ZNF665: variants seen among roughly 807,000 people sequenced by gnomAD.
ZNF665 encodes zinc finger protein 665.
In ZNF665, 6 loss-of-function variants were observed where a neutral mutation model predicts 7.9. The observed-to-expected ratio is 0.76, with a 90% CI of 0.42 to 1.50. ZNF665 has a LOEUF of 1.50. Among genes scored for constraint, ZNF665 ranks in the 40% most tolerant of loss-of-function variants. The pLI, the probability that ZNF665 is intolerant of heterozygous loss-of-function variation, is 0.01. For synonymous variants in ZNF665, 242 were observed against 274.5 expected, an observed-to-expected ratio of 0.88 and a Z score of 1.17; for missense variants, 819 against 806.7, an observed-to-expected ratio of 1.02 and a Z score of -0.18.
chr19:53,169,523 TA>T (rs1268826850), intron 3 of ZNF665, among the ~76,000 whole-genome samples: 1 of 152,084 alleles, frequency 6.6e-6, no homozygotes, highest in Non-Finnish European at 1.5e-5. Context: ...TTAATGGAAA[TA>T]TTTCTTTTTT....
At chr19:53,179,728 T>C (rs1427484111) in intron 2 of ZNF665, 1 of 152,214 alleles carries the variant, frequency 6.6e-6, no homozygotes, top group Non-Finnish European at 1.5e-5. Context: ...GAAGGGTTCA[T>C]GGGAACTTCA....
Position 53,175,335 on chromosome 19 carries a change from CA to C in ZNF665, c.142+109del, listed in dbSNP as rs1259045471. 3 of 1,352,526 alleles carry C rather than the reference CA, an allele frequency of 2.2e-6. No individual in the cohort carries two copies. The African/African-American group carries it at 4.5e-5, about 20-fold the overall frequency. The allele number at this position is 1,352,526 out of a possible 1,614,324, so 83.8% of individuals were successfully genotyped here. ...ATTAGGCTTTTCATTTATGAGTCAA[CA>C]GGACATCAATCCTCATCAAGCAATG... On this transcript the variant is annotated intron_variant, in intron 3 of 3. Coordinates refer to ENST00000396424, the MANE Select transcript of ZNF665 (RefSeq NM_024733.5).
chr19:53,189,318 C>CG (rs1039354515), intron 1 of ZNF665, among the ~76,000 whole-genome samples: 2 of 151,752 alleles, frequency 1.3e-5, no homozygotes, highest in African/African-American at 2.4e-5. Flanking sequence ...CAGCTGCGCC[C>CG]GGGGGACCAC....
intron 3 of ZNF665, among the ~76,000 whole-genome samples, chr19:53,167,120 G>T (rs997972537): frequency 6.6e-6 from 1 of 152,026 alleles, no homozygotes; most frequent in Admixed American, 6.6e-5. Context: ...TCCTGCCTCA[G>T]CCTCCTGAGT....
At chr19:53,169,087 AAG>A (rs2090638644) in intron 3 of ZNF665, among the ~76,000 whole-genome samples, 2 of 152,292 alleles carry the variant, frequency 1.3e-5, no homozygotes, top group South Asian at 4.1e-4. Flanking sequence ...AAAGAAAAAA[AAG>A]AATTAATTTA....
intron 3 of ZNF665, among the ~76,000 whole-genome samples, chr19:53,171,654 G>A (rs1367405554): frequency 2.7e-5 from 4 of 150,126 alleles, no homozygotes; most frequent in South Asian, 4.3e-4. Flanking sequence ...TCAGCCTCCC[G>A]AGTAGCTGGG....
rs1157330663 is a variant in ZNF665, at chr19:53,165,261, A to G, written c.1229T>C (p.Val410Ala). The G allele has an allele frequency of 4.3e-6, 7 of 1,612,664 alleles. No individual in the cohort carries two copies. Among genetic ancestry groups the G allele is most frequent in the Non-Finnish European group, 5.9e-6 (7 of 1,179,414 alleles). ...KPFKCNECVK[V>A]FTQYSHLANH... Reference sequence around the variant, plus strand: ...TGCTAAGTGTGAATACTGAGTGAAAACCTTGACGCATTCATTACATTTGAA... The same window carrying G: ...TGCTAAGTGTGAATACTGAGTGAAAGCCTTGACGCATTCATTACATTTGAA... Residue 410 changes from valine (V) to alanine (A), a missense_variant, in exon 4 of 4, where the codon GTT (valine) becomes GCT (alanine). Val to Ala is a moderately conservative substitution (Grantham distance 64). Coordinates refer to ENST00000396424, the MANE Select transcript of ZNF665 (RefSeq NM_024733.5).
intron 3 of ZNF665, among the ~76,000 whole-genome samples, chr19:53,170,479 C>A (rs1373161469): frequency 6.6e-6 from 1 of 152,160 alleles, no homozygotes; most frequent in African/African-American, 2.4e-5. Context: ...TTGTAACCAA[C>A]GTTCTTCTTT....
chr19:53,165,479 C>T lies in ZNF665; in HGVS notation c.1011G>A (p.Gln337=). ...FSVRSSLTTH[Q]TIHTGEKPYK... is the part of the protein sequence containing the mutation. ...AAGGTTTTTCTCCAGTGTGGATTGT[C>T]TGATGGGTAGTCAGGCTTGAGCGAA... Residue 337 remains glutamine, a synonymous_variant, in exon 4 of 4, where the codon CAG becomes CAA. Coordinates refer to ENST00000396424, the MANE Select transcript of ZNF665 (RefSeq NM_024733.5). The T allele has an allele frequency of 6.2e-7, 1 of 1,613,246 alleles. No homozygotes were observed. Among genetic ancestry groups the T allele is most frequent in the Non-Finnish European group, 8.5e-7 (1 of 1,179,440 alleles).
At chr19:53,181,188 G>C (rs1327356825) in intron 2 of ZNF665, 1 of 152,192 alleles carries the variant, frequency 6.6e-6, no homozygotes, top group Admixed American at 6.5e-5. Context: ...GGGAGGCCAA[G>C]GCGGGTGGAT....
chr19:53,171,755 G>C (rs1028560998), intron 3 of ZNF665, among the ~76,000 whole-genome samples: 3 of 151,228 alleles, frequency 2.0e-5, no homozygotes, highest in African/African-American at 7.3e-5. Context: ...TTTTATGATA[G>C]ATTTGTGTTT....
chr19:53,192,163 C>T (rs1568670810), intron 1 of ZNF665, among the ~76,000 whole-genome samples: 1 of 151,980 alleles, frequency 6.6e-6, no homozygotes, highest in Non-Finnish European at 1.5e-5. Flanking sequence ...CTCTTTCACC[C>T]GTCTTTTGGT....
At chr19:53,176,177 A>G (rs973848917) in intron 2 of ZNF665, among the ~76,000 whole-genome samples, 3 of 151,976 alleles carry the variant, frequency 2.0e-5, no homozygotes, top group Non-Finnish European at 4.4e-5. Flanking sequence ...AATAAATAAG[A>G]ATAAAAATAA....
Position 53,164,630 on chromosome 19 carries a change from G to T in ZNF665, c.1860C>A (p.His620Gln). The stretch of plus-strand genomic sequence containing the variant: ...TACACCTATAAGGTTTTTCTCCAGT[G>T]TGAATTCTTCTATGATTTGCAAGAT... The part of the protein sequence containing the change: ...NSHLANHRRI[H>Q]TGEKPYRCNE... Residue 620 changes from histidine to glutamine, a missense_variant, in exon 4 of 4, where the codon CAC (histidine) becomes CAA (glutamine). Coordinates refer to ENST00000396424, the MANE Select transcript of ZNF665 (RefSeq NM_024733.5). 6.2e-7 allele frequency: 1 copy of T among 1,612,444 alleles called. No homozygotes were observed. The highest frequency in any genetic ancestry group is 8.5e-7 in the Non-Finnish European group (1 of 1,178,814).
rs535905914 is a variant in ZNF665 at position 53,172,097 on chromosome 19, T to G, written c.142+3348A>C. On this transcript the variant is annotated intron_variant, in intron 3 of 3. Transcript: ENST00000396424. ...TGGTGGTAAATAATAGAGTAATAAT[T>G]TATGCATTCATGACATACCTAATTT... 1.9e-3 allele frequency among the ~76,000 whole-genome samples: 289 copies of G among 152,204 alleles called. 3 individuals carry two copies. The highest frequency in any genetic ancestry group is 1.1e-3 in the Non-Finnish European group (72 of 68,048).
chr19:53,190,865 C>T (rs902830381), intron 1 of ZNF665, among the ~76,000 whole-genome samples: 1 of 151,510 alleles, frequency 6.6e-6, no homozygotes, highest in South Asian at 2.1e-4. Context: ...GCCCAGGAAG[C>T]GGAGGTTGCA....
rs543486602 is a variant in ZNF665, at chr19:53,177,207, T to C, written c.16-1636A>G. ...CACTAAAATTTATTTGAGCAAGTTA[T>C]GTCTGTTTAATCCTGTTTCATTATT... On this transcript the variant is annotated intron_variant, in intron 2 of 3. Transcript: ENST00000396424. Among the ~76,000 whole-genome samples, 8 of 152,320 alleles carry C rather than the reference T, an allele frequency of 5.3e-5. No individual in the cohort carries two copies. In the South Asian group the frequency reaches 1.7e-3, roughly 32 times the overall value.
intron 2 of ZNF665, among the ~76,000 whole-genome samples, chr19:53,176,738 C>G (rs2090701306): frequency 1.3e-5 from 2 of 152,168 alleles, no homozygotes; most frequent in African/African-American, 4.8e-5. Context: ...GGTCATATAT[C>G]CACGGCAGAA....
chr19:53,191,514 C>T (rs1250174597), intron 1 of ZNF665, among the ~76,000 whole-genome samples: 1 of 152,202 alleles, frequency 6.6e-6, no homozygotes, highest in Non-Finnish European at 1.5e-5. Context: ...CCAGCATCTC[C>T]ATAACAGAAA....
Sources: allele counts gnomAD v4.1 joint callset (sites outside exome capture counted in the v4.1 genomes callset), GRCh38; gene constraint gnomAD v4.1.1; transcripts MANE v1.5; gene names NCBI Gene and HGNC (gene_info 2026-07-23, HGNC 2026-07-21).